Variants in FLT1 observed in about 807,000 individuals in gnomAD.
FLT1 encodes vascular endothelial growth factor receptor 1.
A neutral mutation model predicts 156.3 loss-of-function variants in FLT1; 49 were observed. That is an observed-to-expected ratio of 0.31 (90% CI 0.25 to 0.40). The LOEUF (loss-of-function observed/expected upper bound fraction) is 0.40, where lower values mean the gene tolerates loss of function less well. Ranked by LOEUF, FLT1 falls within the 10% of genes least tolerant of loss-of-function variation. FLT1 has a pLI of 1.00. For missense variants in FLT1, 1,322 were observed against 1,637.2 expected, an observed-to-expected ratio of 0.81 and a Z score of 3.32; for synonymous variants, 594 against 583.8, an observed-to-expected ratio of 1.02 and a Z score of -0.25.
chr13:28,444,050 C>T (rs570860147), intron 3 of FLT1, among the ~76,000 whole-genome samples: 30 of 152,256 alleles, frequency 2.0e-4, no homozygotes, highest in Non-Finnish European at 3.7e-4. Context: ...TACCTAATAA[C>T]AGAGCACTAA....
intron 13 of FLT1, chr13:28,389,374 T>A: frequency 7.9e-7 from 1 of 1,265,802 alleles, no homozygotes; most frequent in South Asian, 3.6e-5. Context: ...GCTTCAACAC[T>A]TAAAAATAAA....
intron 10 of FLT1, among the ~76,000 whole-genome samples, chr13:28,418,469 T>C (rs559532090): frequency 1.3e-5 from 2 of 152,320 alleles, no homozygotes; most frequent in Admixed American, 1.3e-4. Context: ...CCCTGCAGAC[T>C]TCAGCTCTTT....
intron 3 of FLT1, among the ~76,000 whole-genome samples, chr13:28,440,702 T>G (rs946839294): frequency 6.6e-6 from 1 of 152,124 alleles, no homozygotes; most frequent in Non-Finnish European, 1.5e-5. Flanking sequence ...TGTGTAACTG[T>G]GAGACCTTGG....
chr13:28,368,579 TATGATG>T (rs112404448), intron 14 of FLT1: 49 of 1,494,488 alleles, frequency 3.3e-5, no homozygotes, highest in Non-Finnish European at 4.2e-5. Context: ...TGATGATAGC[TATGATG>T]ATGATGATGA....
chr13:28,452,390 G>T (rs1878997554), intron 3 of FLT1, among the ~76,000 whole-genome samples: 1 of 152,144 alleles, frequency 6.6e-6, no homozygotes, highest in African/African-American at 2.4e-5. Context: ...GAAATGAGAT[G>T]ATGTATGTAT....
intron 14 of FLT1, among the ~76,000 whole-genome samples, chr13:28,372,566 G>GTGTATATATATATATATATATATA (rs1555232432): frequency 3.3e-5 from 3 of 91,454 alleles, no homozygotes; most frequent in Admixed American, 1.3e-4. Context: ...TAAATAAAAT[G>GTGTATATATATATATATATATATA]TATATATATA....
At chr13:28,468,621 C>T (rs746798346) in intron 1 of FLT1, among the ~76,000 whole-genome samples, 6 of 152,088 alleles carry the variant, frequency 3.9e-5, no homozygotes, top group Non-Finnish European at 7.4e-5. Flanking sequence ...GTGTTTGGGT[C>T]GTGGGGGTGG....
chr13:28,452,419 G>A (rs977461215), intron 3 of FLT1, among the ~76,000 whole-genome samples: 4 of 151,994 alleles, frequency 2.6e-5, no homozygotes, highest in South Asian at 2.1e-4. Flanking sequence ...AGCCTGAGCC[G>A]GACATTAATA....
chr13:28,412,344 TTCTTTCTCTTTCTTTCTTTC>T (rs1876282928), intron 10 of FLT1, among the ~76,000 whole-genome samples: 1 of 73,502 alleles, frequency 1.4e-5, no homozygotes, highest in Admixed American at 1.9e-4. Flanking sequence ...CTTTCTTTCT[TTCTTTCTCTTTCTTTCTTTC>T]TTTCTTTCTT....
chr13:28,318,951 T>C (rs1438727820), intron 24 of FLT1, among the ~76,000 whole-genome samples: 7 of 152,218 alleles, frequency 4.6e-5, no homozygotes, highest in Non-Finnish European at 7.3e-5. Flanking sequence ...CATGTGTTCA[T>C]ATCAGAGGCA....
intron 11 of FLT1, among the ~76,000 whole-genome samples, chr13:28,403,414 AT>A (rs1352724873): frequency 6.6e-6 from 1 of 152,136 alleles, no homozygotes; most frequent in African/African-American, 2.4e-5. Context: ...ACCTCCACTG[AT>A]TTTTATAGGT....
At chr13:28,394,581 T>C (rs929671436) in intron 12 of FLT1, among the ~76,000 whole-genome samples, 57 of 152,284 alleles carry the variant, frequency 3.7e-4, no homozygotes, top group African/African-American at 1.3e-3. Flanking sequence ...AGGCATCAGT[T>C]AGCTTTCATT....
At chr13:28,457,101 G>C (rs77902220) in intron 3 of FLT1, among the ~76,000 whole-genome samples, 7,114 of 152,052 alleles carry the variant, frequency 0.047, 245 homozygotes, top group South Asian at 0.11. Flanking sequence ...GGGGACAAGG[G>C]GTATATAGGA....
rs1180433609 is a variant in FLT1, at chr13:28,408,013, T to C, written c.1437-2119A>G. On this transcript the variant is annotated intron_variant, in intron 10 of 29. Coordinates refer to ENST00000282397, the MANE Select transcript of FLT1 (RefSeq NM_002019.4). Reference sequence around the variant, plus strand: ...TGTATATAATGTGCACATATACACATGTGTATACCTAGATTAGACATTTGC... The same window carrying C: ...TGTATATAATGTGCACATATACACACGTGTATACCTAGATTAGACATTTGC... Among the ~76,000 whole-genome samples, 7 of 152,318 alleles carry C rather than the reference T, an allele frequency of 4.6e-5. No individual in the cohort carries two copies. In the East Asian group the frequency reaches 1.3e-3, roughly 29 times the overall value.
In FLT1 at chr13:28,322,715, GA is replaced by G. The variant is rs1871514492; in HGVS notation, c.2953+74del. ...GGATGTTTATTAGAGTGATAAATAA[GA>G]AAAAAATTTCAGAGATGCATAGTAT... On this transcript the variant is annotated intron_variant, in intron 21 of 29. Transcript: ENST00000282397. The surrounding 1 kb of genome is among the most constrained non-coding windows in gnomAD (Gnocchi z 4.3). The G allele has an allele frequency of 4.2e-6, 6 of 1,426,444 alleles. No individual in the cohort carries two copies. Among genetic ancestry groups the G allele is most frequent in the East Asian group, 4.5e-5 (2 of 44,070 alleles). The allele number at this position is 1,426,444 out of a possible 1,614,324, so 88.4% of individuals were successfully genotyped here. A position where few individuals can be genotyped will look rare whatever the true frequency, so the allele number is the denominator to read the frequency against.
At chr13:28,311,831 TG>T in intron 26 of FLT1, 99 bp from the exon 27 acceptor site, 1 of 1,394,136 alleles carries the variant, frequency 7.2e-7, no homozygotes, top group Non-Finnish European at 1.0e-6. Context: ...TGCACAATCT[TG>T]GTTGTGTTTT....
intron 13 of FLT1, chr13:28,388,864 G>A: frequency 9.4e-7 from 1 of 1,063,018 alleles, no homozygotes; most frequent in Non-Finnish European, 1.1e-6. Flanking sequence ...CAGAGGACAG[G>A]AATATTTAAA....
chr13:28,318,337 G>T (rs1206330089), intron 24 of FLT1, among the ~76,000 whole-genome samples: 2 of 152,070 alleles, frequency 1.3e-5, no homozygotes, highest in African/African-American at 4.8e-5. Flanking sequence ...GTGGCCAGGA[G>T]TCTGCAGACC....
At chr13:28,493,277 T>C (rs1359382184) in intron 1 of FLT1, among the ~76,000 whole-genome samples, 1 of 152,238 alleles carries the variant, frequency 6.6e-6, no homozygotes, top group Non-Finnish European at 1.5e-5. Context: ...AAGTGACTTT[T>C]CAAAACAAAA....
Sources: allele counts gnomAD v4.1 joint callset (sites outside exome capture counted in the v4.1 genomes callset), GRCh38; gene constraint gnomAD v4.1.1; non-coding constraint Gnocchi (gnomAD v3.1); transcripts MANE v1.5; gene names NCBI Gene and HGNC (gene_info 2026-07-23, HGNC 2026-07-21).